Variants in GOLGA6C observed in about 807,000 individuals in gnomAD.
GOLGA6C encodes golgin A6 family member C.
In GOLGA6C, 3 loss-of-function variants were observed where a neutral mutation model predicts 57.5. The observed-to-expected ratio is 0.05, with a 90% CI of 0.02 to 0.13. GOLGA6C has a LOEUF of 0.13. Ranked by LOEUF, GOLGA6C falls within the 10% of genes least tolerant of loss-of-function variation. GOLGA6C has a pLI of 1.00. For synonymous variants in GOLGA6C, 32 were observed against 203.8 expected (o/e 0.16, Z 7.18); for missense variants, 88 against 525.6 (o/e 0.17, Z 8.14).
chr15:75,259,188 C>T (rs1344322698), intron 1 of GOLGA6C, among the ~76,000 whole-genome samples: 1 of 151,848 alleles, frequency 6.6e-6, no homozygotes, highest in African/African-American at 2.4e-5. Context: ...TCCCCCCTCC[C>T]CCATCGTGGA....
intron 1 of GOLGA6C, among the ~76,000 whole-genome samples, chr15:75,259,073 T>A (rs1328593346): frequency 1.3e-5 from 2 of 151,312 alleles, no homozygotes; most frequent in African/African-American, 4.9e-5. Context: ...TGGTGACTCC[T>A]GGGGTTCCCT....
intron 1 of GOLGA6C, among the ~76,000 whole-genome samples, chr15:75,259,006 TG>T (rs2070721604): frequency 6.8e-6 from 1 of 147,508 alleles, no homozygotes; most frequent in South Asian, 2.1e-4. Context: ...TCCAAGGACC[TG>T]GGTCCCCCAG....
In GOLGA6C at chr15:75,273,026, T is replaced by G. The variant is rs1332742820; in HGVS notation, c.*2827T>G. On this transcript the variant is annotated 3_prime_UTR_variant, in exon 18 of 18. Transcript: ENST00000300576. ...AAAGTATTTGTTTAACCTGATGGGT[T>G]TTCCAGAAATGAAAACAAGTCAGTT... 2.6e-5 allele frequency among the ~76,000 whole-genome samples: 4 copies of G among 151,982 alleles called. No homozygotes were observed. Among genetic ancestry groups the G allele is most frequent in the African/African-American group, 7.3e-5 (3 of 41,246 alleles).
rs555485422 is a variant in GOLGA6C at position 75,270,167 on chromosome 15, G to T, written c.2050G>T (p.Val684Leu). The T allele has an allele frequency of 2.5e-6, 4 of 1,592,068 alleles. 1 individual carries two copies. The African/African-American group carries it at 4.3e-5, about 17-fold the overall frequency. ...PHDNPPVQQI[V>L]QLSPVMQDT Reference sequence around the variant, plus strand: ...TGACAACCCCCCGGTACAGCAGATCGTGCAGCTGTCTCCTGTCATGCAGGA... The same window carrying T: ...TGACAACCCCCCGGTACAGCAGATCTTGCAGCTGTCTCCTGTCATGCAGGA... The change falls in exon 18 of 18, where the codon GTG becomes TTG. Residue 684 changes from valine (V) to leucine (L), a missense_variant. Transcript: ENST00000300576.
Position 75,270,408 on chromosome 15 carries a change from G to A in GOLGA6C, c.*209G>A, listed in dbSNP as rs1415085940. ...CATTTATTTGTGTTTCTAATTTACC[G>A]TTTAAATTTATTTGTAAAAAGTTAA... On this transcript the variant is annotated 3_prime_UTR_variant, in exon 18 of 18. Coordinates refer to ENST00000300576, the MANE Select transcript of GOLGA6C (RefSeq NM_001164404.2). 9.5e-5 allele frequency among the ~76,000 whole-genome samples: 13 copies of A among 137,358 alleles called. No individual in the cohort carries two copies. The highest frequency in any genetic ancestry group is 7.0e-4 in the East Asian group (3 of 4,294). The allele number at this position is 137,358 out of a possible 152,430, so 90.1% of individuals were successfully genotyped here. A position where few individuals can be genotyped will look rare whatever the true frequency, so the allele number is the denominator to read the frequency against.
intron 7 of GOLGA6C, 104 bp from the exon 8 acceptor site, chr15:75,265,018 C>T (rs1186413442): frequency 7.3e-7 from 1 of 1,371,818 alleles, no homozygotes; most frequent in Non-Finnish European, 1.0e-6. Context: ...TTGGAAATGC[C>T]TTGACCTTTA....
Position 75,273,133 on chromosome 15 carries a change from TAAAG to T in GOLGA6C, c.*2936_*2939del, listed in dbSNP as rs1374625528. Among the ~76,000 whole-genome samples the T allele has an allele frequency of 7.2e-5, 11 of 152,236 alleles. No individual in the cohort carries two copies. The East Asian group carries it at 9.7e-4, about 13-fold the overall frequency. Reference sequence around the variant, plus strand: ...ATATAGTTTCTCTAAAACTTTATCTTAAAGAGTCATTTTAAAAGAATATAACTAT... The same window carrying T: ...ATATAGTTTCTCTAAAACTTTATCTTAGTCATTTTAAAAGAATATAACTAT... On this transcript the variant is annotated 3_prime_UTR_variant, in exon 18 of 18. Coordinates refer to ENST00000300576, the MANE Select transcript of GOLGA6C (RefSeq NM_001164404.2).
chr15:75,269,201 G>T (rs540019792), intron 14 of GOLGA6C, among the ~76,000 whole-genome samples: 1 of 146,624 alleles, frequency 6.8e-6, no homozygotes, highest in East Asian at 2.0e-4. Flanking sequence ...CGGCTATGTG[G>T]GCAGCGGAAG....
intron 14 of GOLGA6C, among the ~76,000 whole-genome samples, chr15:75,269,137 C>T (rs2070771173): frequency 7.0e-6 from 1 of 142,370 alleles, no homozygotes; most frequent in African/African-American, 2.7e-5. Flanking sequence ...CACCTCTTGC[C>T]TTCAAGTGGC....
intron 1 of GOLGA6C, among the ~76,000 whole-genome samples, chr15:75,259,150 C>T (rs1228216107): frequency 1.3e-5 from 2 of 152,076 alleles, no homozygotes; most frequent in Non-Finnish European, 2.9e-5. Context: ...GGGCTGGCAC[C>T]TCCAAGGACC....
rs2070784065 is a variant in GOLGA6C at position 75,270,383 on chromosome 15, C to T, written c.*184C>T. Among the ~76,000 whole-genome samples the T allele has an allele frequency of 7.0e-6, 1 of 142,166 alleles. No homozygotes were observed. The highest frequency in any genetic ancestry group is 2.7e-5 in the African/African-American group (1 of 36,466). The allele number at this position is 142,166 out of a possible 152,430, so 93.3% of individuals were successfully genotyped here. A position where few individuals can be genotyped will look rare whatever the true frequency, so the allele number is the denominator to read the frequency against. The stretch of plus-strand genomic sequence containing the variant: ...TCCATTTGAATGCTAGAGCCACTCA[C>T]ATTTATTTGTGTTTCTAATTTACCG... On this transcript the variant is annotated 3_prime_UTR_variant, in exon 18 of 18. Coordinates refer to ENST00000300576, the MANE Select transcript of GOLGA6C (RefSeq NM_001164404.2).
At chr15:75,265,043 T>C in intron 7 of GOLGA6C, 79 bp from the exon 8 acceptor site, 5 of 1,557,942 alleles carry the variant, frequency 3.2e-6, no homozygotes, top group Non-Finnish European at 4.4e-6. Context: ...CCGAGTTGTA[T>C]ATTGAGCCTA....
At position 75,270,225 on chromosome 15, in the gene GOLGA6C, C is replaced by T. The variant is rs768713597; in HGVS notation, c.*26C>T. 4 of 1,587,656 alleles carry T rather than the reference C, an allele frequency of 2.5e-6. 1 individual carries two copies. In the South Asian group the frequency reaches 3.4e-5, roughly 13 times the overall value. Reference sequence around the variant, plus strand: ...GAGCACCCAGGCTTGCCCAGCAAACCCTGCGTGCCATTCTTCTACCAGGCA... The same window carrying T: ...GAGCACCCAGGCTTGCCCAGCAAACTCTGCGTGCCATTCTTCTACCAGGCA... On this transcript the variant is annotated 3_prime_UTR_variant, in exon 18 of 18. Coordinates refer to ENST00000300576, the MANE Select transcript of GOLGA6C (RefSeq NM_001164404.2).
At position 75,271,322 on chromosome 15, in the gene GOLGA6C, CT is replaced by C. The variant is rs1276537984; in HGVS notation, c.*1124del. ...AATGTCCCTGGAAGAGGCATACAGG[CT>C]CTAGTCAAGAATGAATTTGAGTGAA... On this transcript the variant is annotated 3_prime_UTR_variant, in exon 18 of 18. Transcript: ENST00000300576. Among the ~76,000 whole-genome samples, 2 of 143,730 alleles carry C rather than the reference CT, an allele frequency of 1.4e-5. No individual in the cohort carries two copies. The highest frequency in any genetic ancestry group is 3.0e-5 in the Non-Finnish European group (2 of 66,850). 94.3% of individuals were successfully genotyped at this position (143,730 alleles called of 152,430 possible). A position where few individuals can be genotyped will look rare whatever the true frequency, so the allele number is the denominator to read the frequency against.
At chr15:75,264,439 G>GGTGTGTGTGTGTGTGTGTGT (rs368165570) in intron 7 of GOLGA6C, among the ~76,000 whole-genome samples, 2 of 117,276 alleles carry the variant, frequency 1.7e-5, no homozygotes, top group Non-Finnish European at 3.4e-5. Context: ...AGAGGAAAGG[G>GGTGTGTGTGTGTGTGTGTGT]GTGTGTGTGT....
At chr15:75,269,261 G>T (rs1413536119) in intron 14 of GOLGA6C, among the ~76,000 whole-genome samples, 192 bp from the exon 15 acceptor site, 1 of 146,324 alleles carries the variant, frequency 6.8e-6, no homozygotes, top group Non-Finnish European at 1.5e-5. Context: ...GCCTTGGCCT[G>T]GAAGGAGCCA....
rs758738631 is a variant in GOLGA6C at position 75,270,071 on chromosome 15, G to T, written c.1955-1G>T. On this transcript the variant is annotated splice_acceptor_variant, in intron 17 of 17. Transcript: ENST00000300576. LOFTEE classifies it high-confidence loss of function. The stretch of plus-strand genomic sequence containing the variant: ...AGACCCCCGCCTCCCTCTCTCCGAA[G>T]ATTTTTATGAAGTGAGCCTGGACAA... 6.2e-7 allele frequency: 1 copy of T among 1,604,198 alleles called. No individual in the cohort carries two copies. Among genetic ancestry groups the T allele is most frequent in the Admixed American group, 1.7e-5 (1 of 59,286 alleles).
rs776408347 is a variant in GOLGA6C at position 75,270,142 on chromosome 15, T to A, written c.2025T>A (p.His675Gln). Residue 675 changes from histidine to glutamine, a missense_variant, in exon 18 of 18, where the codon CAT becomes CAA. Transcript: ENST00000300576. ...APGAAREGSP[H>Q]DNPPVQQIVQ... The stretch of plus-strand genomic sequence containing the variant: ...GAGCGGCCAGGGAGGGTTCTCCCCA[T>A]GACAACCCCCCGGTACAGCAGATCG... The A allele has an allele frequency of 2.5e-6, 4 of 1,592,950 alleles. No homozygotes were observed. The highest frequency in any genetic ancestry group is 3.4e-6 in the Non-Finnish European group (4 of 1,174,546).
Position 75,273,231 on chromosome 15 carries a change from T to C in GOLGA6C, c.*3032T>C, listed in dbSNP as rs1375420206. On this transcript the variant is annotated 3_prime_UTR_variant, in exon 18 of 18. Transcript: ENST00000300576. ...ACACTTTAAAATATGAATACTGTAG[T>C]TTGAAAGAAAGAAACTGGGGGAAGG... 9.9e-5 allele frequency among the ~76,000 whole-genome samples: 15 copies of C among 152,052 alleles called. No homozygotes were observed. Among genetic ancestry groups the C allele is most frequent in the African/African-American group, 3.1e-4 (13 of 41,314 alleles).
Sources: gnomAD v4.1 joint callset for allele counts (sites outside exome capture counted in the v4.1 genomes callset) on GRCh38, gnomAD v4.1.1 for gene constraint, MANE v1.5 for transcripts, NCBI Gene and HGNC (gene_info 2026-07-23, HGNC 2026-07-21) for gene names.